Variants in SPATA6L observed in about 807,000 individuals in gnomAD.
SPATA6L encodes spermatogenesis associated 6 like.
Under a neutral mutation model 49.2 loss-of-function variants are expected in SPATA6L, and 68 were observed. The observed-to-expected ratio is 1.38, with a 90% CI of 1.14 to 1.69. The LOEUF is 1.69. Among genes scored for constraint, SPATA6L ranks in the 40% most tolerant of loss-of-function variants. The pLI is 0.00. For synonymous variants in SPATA6L, 198 were observed against 165.7 expected (o/e 1.19, Z -1.50); for missense variants, 668 against 464.3 (o/e 1.44, Z -4.03).
intron 7 of SPATA6L, among the ~76,000 whole-genome samples, chr9:4,621,373 T>G (rs1185726011): frequency 6.6e-6 from 1 of 152,222 alleles, no homozygotes; most frequent in Non-Finnish European, 1.5e-5. Context: ...ATAATAATAC[T>G]AAGACATGAT....
chr9:4,619,274 A>G (rs1189617317), intron 7 of SPATA6L, among the ~76,000 whole-genome samples: 2 of 149,292 alleles, frequency 1.3e-5, no homozygotes, highest in Non-Finnish European at 2.9e-5. Context: ...TCTCTGCCTC[A>G]GCCTCCCGAG....
chr9:4,644,875 C>G (rs1200619528), intron 3 of SPATA6L, among the ~76,000 whole-genome samples: 1 of 152,184 alleles, frequency 6.6e-6, no homozygotes, highest in African/African-American at 2.4e-5. Flanking sequence ...TACCACAGAA[C>G]AGCTTCCTCC....
chr9:4,591,100 T>C (rs892615605), intron 13 of SPATA6L, among the ~76,000 whole-genome samples: 6 of 152,184 alleles, frequency 3.9e-5, no homozygotes, highest in Non-Finnish European at 8.8e-5. Context: ...CCATGGAAAG[T>C]ACCTTTTCCA....
intron 2 of SPATA6L, among the ~76,000 whole-genome samples, chr9:4,660,431 A>G (rs1839351428): frequency 6.6e-6 from 1 of 152,274 alleles, no homozygotes; most frequent in Non-Finnish European, 1.5e-5. Flanking sequence ...ACATGAAAAA[A>G]TACTCATCAT....
At chr9:4,607,807 A>G (rs899378618) in intron 9 of SPATA6L, among the ~76,000 whole-genome samples, 2 of 152,102 alleles carry the variant, frequency 1.3e-5, no homozygotes, top group Non-Finnish European at 2.9e-5. Context: ...TTAATTTTAA[A>G]TGTAAATGGA....
downstream of SPATA6L, among the ~76,000 whole-genome samples, chr9:4,597,319 TACACACACACACACAC>T (rs57570250): frequency 0.044 from 6,317 of 143,940 alleles, 214 homozygotes; most frequent in South Asian, 0.089. Context: ...GAAAACAAAA[TACACACACACACACAC>T]ACACACACAC....
intron 5 of SPATA6L, chr9:4,628,160 A>G: frequency 4.9e-6 from 1 of 205,530 alleles, no homozygotes. Context: ...AAAAAAAAAT[A>G]CAAAGAATGA....
chr9:4,611,813 A>G (rs1826815542), intron 9 of SPATA6L, among the ~76,000 whole-genome samples: 1 of 152,160 alleles, frequency 6.6e-6, no homozygotes. Flanking sequence ...AAAGAAAAAA[A>G]AATTTTTAAT....
chr9:4,625,855 A>T (rs1445082145), intron 5 of SPATA6L: 1 of 210,468 alleles, frequency 4.8e-6, no homozygotes, highest in Admixed American at 5.6e-5. Context: ...CAATAGATAG[A>T]TAATAGAGAA....
chr9:4,660,467 C>T (rs1839363216), intron 2 of SPATA6L, among the ~76,000 whole-genome samples: 1 of 152,158 alleles, frequency 6.6e-6, no homozygotes, highest in Admixed American at 6.5e-5. Context: ...AAATACAAAT[C>T]AAAACCACAA....
rs182478610 is a variant in SPATA6L at position 4,623,527 on chromosome 9, T to C, written c.670-1017A>G. ...TGTTACTTTTCATTCTACTTTAATA[T>C]ATTGACTTGAATTTACAGTCTTTAT... On this transcript the variant is annotated intron_variant, in intron 6 of 11. Coordinates refer to ENST00000682582, the MANE Select transcript of SPATA6L (RefSeq NM_001353486.2). Among the ~76,000 whole-genome samples the C allele has an allele frequency of 7.2e-5, 11 of 152,262 alleles. No individual in the cohort carries two copies. In the East Asian group the frequency reaches 1.7e-3, roughly 24 times the overall value.
chr9:4,661,309 A>G (rs1839671964), intron 2 of SPATA6L, among the ~76,000 whole-genome samples: 1 of 152,202 alleles, frequency 6.6e-6, no homozygotes, highest in South Asian at 2.1e-4. Flanking sequence ...ACATAGTAAT[A>G]ACATCAATAT....
Position 4,645,462 on chromosome 9 carries a change from C to T in SPATA6L, c.227-10063G>A, listed in dbSNP as rs570622838. 9.2e-5 allele frequency among the ~76,000 whole-genome samples: 14 copies of T among 152,198 alleles called. No homozygotes were observed. In the South Asian group the frequency reaches 2.7e-3, roughly 29 times the overall value. The stretch of plus-strand genomic sequence containing the variant: ...GGCCTTCTTGCTGGTGGGGACTCTG[C>T]TTAGTAGCCAGGTGACACAGGGAAT... On this transcript the variant is annotated intron_variant, in intron 3 of 11. Coordinates refer to ENST00000682582, the MANE Select transcript of SPATA6L (RefSeq NM_001353486.2).
At position 4,643,956 on chromosome 9, in the gene SPATA6L, G is replaced by A. The variant is rs373265758; in HGVS notation, c.227-8557C>T. On this transcript the variant is annotated intron_variant, in intron 3 of 11. Transcript: ENST00000682582. ...CGGGAGGTGGATGTTACAGTGAGCTGAGCTTGCATCACTGCACTCCAGCCT... is the reference window on the plus strand; with the variant it reads ...CGGGAGGTGGATGTTACAGTGAGCTAAGCTTGCATCACTGCACTCCAGCCT... Among the ~76,000 whole-genome samples the A allele has an allele frequency of 8.4e-4, 127 of 151,850 alleles. 4 individuals carry two copies. In the South Asian group the frequency reaches 0.026, roughly 31 times the overall value.
At chr9:4,611,700 A>G (rs1826777869) in intron 9 of SPATA6L, among the ~76,000 whole-genome samples, 2 of 151,004 alleles carry the variant, frequency 1.3e-5, no homozygotes, top group African/African-American at 2.4e-5. Context: ...CTAATGCTAG[A>G]TGACGAGTTA....
chr9:4,631,522 T>C (rs1001486510), intron 4 of SPATA6L, among the ~76,000 whole-genome samples: 8 of 151,806 alleles, frequency 5.3e-5, no homozygotes, highest in African/African-American at 1.9e-4. Context: ...CTAGATAATA[T>C]TGCAAAAATA....
At chr9:4,627,915 G>T in intron 5 of SPATA6L, 1 of 754,416 alleles carries the variant, frequency 1.3e-6, no homozygotes, top group South Asian at 1.5e-5. Flanking sequence ...ACATAATGGA[G>T]TGCTATTCAG....
rs551238577 is a variant in SPATA6L at position 4,659,218 on chromosome 9, C to A, written c.177+2681G>T. Among the ~76,000 whole-genome samples the A allele has an allele frequency of 6.6e-5, 10 of 152,276 alleles. No homozygotes were observed. The South Asian group carries it at 1.4e-3, about 22-fold the overall frequency. ...GATTTATAAAAATGTTACATACAAC[C>A]TTAGCCCTTCAGAAAATTGATCTTC... On this transcript the variant is annotated intron_variant, in intron 2 of 11. Transcript: ENST00000682582.
At chr9:4,615,816 A>T (rs1827854862) in intron 9 of SPATA6L, among the ~76,000 whole-genome samples, 1 of 152,180 alleles carries the variant, frequency 6.6e-6, no homozygotes, top group South Asian at 2.1e-4. Flanking sequence ...AGTCTCTCAG[A>T]AAAGCTTGCT....
Sources: allele counts gnomAD v4.1 joint callset (sites outside exome capture counted in the v4.1 genomes callset), GRCh38; gene constraint gnomAD v4.1.1; transcripts MANE v1.5; gene names NCBI Gene and HGNC (gene_info 2026-07-23, HGNC 2026-07-21).